Variants in CDC23 observed in about 807,000 individuals in gnomAD.
CDC23 encodes the protein cell division cycle protein 23 homolog.
A neutral mutation model predicts 81.7 loss-of-function variants in CDC23; 26 were observed. That is an observed-to-expected ratio of 0.32 (90% CI 0.23 to 0.44). The LOEUF (loss-of-function observed/expected upper bound fraction) is 0.44. Ranked by LOEUF, CDC23 falls within the 20% of genes least tolerant of loss-of-function variation. The pLI, the probability that CDC23 is intolerant of heterozygous loss-of-function variation, is 1.00. For missense variants in CDC23, 519 were observed against 728.0 expected (o/e 0.71, Z 3.30); for synonymous variants, 267 against 270.8 (o/e 0.99, Z 0.14).
intron 3 of CDC23, among the ~76,000 whole-genome samples, chr5:138,202,658 G>C (rs779883424): frequency 1.3e-5 from 2 of 152,106 alleles, no homozygotes; most frequent in Non-Finnish European, 1.5e-5. Flanking sequence ...AAATAATTAA[G>C]TAATGAATTA....
chr5:138,213,151 C>A lies in CDC23; in HGVS notation c.161+1G>T. The A allele has an allele frequency of 6.2e-7, 1 of 1,614,182 alleles. No individual in the cohort carries two copies. Among genetic ancestry groups the A allele is most frequent in the Non-Finnish European group, 8.5e-7 (1 of 1,180,042 alleles). ...CGTCCCTTCCCACTCCAACATCTCA[C>A]CATTTGCTACTGTGTAGTAGGCCCC... On this transcript the variant is annotated splice_donor_variant, in intron 1 of 15. Coordinates refer to ENST00000394886, the MANE Select transcript of CDC23 (RefSeq NM_004661.4). LOFTEE classifies it high-confidence loss of function.
chr5:138,206,097 AAAT>A (rs1188433008), intron 3 of CDC23: 2 of 169,296 alleles, frequency 1.2e-5, no homozygotes, highest in Non-Finnish European at 2.5e-5. Context: ...TTTCAAAGTA[AAAT>A]AATAAATTGT....
At position 138,188,928 on chromosome 5, in the gene CDC23, A is replaced by C; in HGVS notation, c.*50T>G. Reference sequence around the variant, plus strand: ...GACGTGCTGTTCTTTACATGGAGGTAAGGCTTAATTAAGATGGGTCTAACA... The same window carrying C: ...GACGTGCTGTTCTTTACATGGAGGTCAGGCTTAATTAAGATGGGTCTAACA... On this transcript the variant is annotated 3_prime_UTR_variant, in exon 16 of 16. Coordinates refer to ENST00000394886, the MANE Select transcript of CDC23 (RefSeq NM_004661.4). 6.4e-7 allele frequency: 1 copy of C among 1,562,300 alleles called. No individual in the cohort carries two copies. Among genetic ancestry groups the C allele is most frequent in the Non-Finnish European group, 8.7e-7 (1 of 1,144,496 alleles).
chr5:138,193,199 A>C (rs1175230459), intron 9 of CDC23, among the ~76,000 whole-genome samples: 1 of 152,228 alleles, frequency 6.6e-6, no homozygotes, highest in Non-Finnish European at 1.5e-5. Flanking sequence ...AAGTGCTGGA[A>C]TCAAAGGCAT....
intron 9 of CDC23, among the ~76,000 whole-genome samples, chr5:138,193,519 C>T (rs1754848763): frequency 6.6e-6 from 1 of 151,888 alleles, no homozygotes. Context: ...TCGCTTGAAC[C>T]TGGGAGGCAG....
chr5:138,195,636 TA>T (rs1198563241), intron 9 of CDC23, among the ~76,000 whole-genome samples: 1 of 117,290 alleles, frequency 8.5e-6, no homozygotes, highest in Non-Finnish European at 1.7e-5. Context: ...TAAATATATA[TA>T]CATATATAAT....
At chr5:138,189,959 G>A in intron 13 of CDC23, 53 bp from the exon 14 acceptor site, 1 of 1,521,144 alleles carries the variant, frequency 6.6e-7, no homozygotes. Context: ...GCAACTTAGT[G>A]ATAAAAAAAG....
At chr5:138,198,943 AC>A (rs1453597290) in intron 6 of CDC23, among the ~76,000 whole-genome samples, 161 bp from the exon 7 acceptor site, 2 of 152,244 alleles carry the variant, frequency 1.3e-5, no homozygotes, top group African/African-American at 4.8e-5. Context: ...AATATGACTT[AC>A]AAGCATAATA....
At position 138,190,131 on chromosome 5, in the gene CDC23, T is replaced by C; in HGVS notation, c.1425-225A>G. ...TGGAAGGAGAGTCAGTAAATATTAATATCTAAGCTAGATAAACCATCCTTG... is the reference window on the plus strand; with the variant it reads ...TGGAAGGAGAGTCAGTAAATATTAACATCTAAGCTAGATAAACCATCCTTG... On this transcript the variant is annotated intron_variant, in intron 13 of 15. Transcript: ENST00000394886. The C allele has an allele frequency of 2.0e-5, 11 of 547,302 alleles. No individual in the cohort carries two copies. In the South Asian group the frequency reaches 2.5e-4, roughly 12 times the overall value. The allele number at this position is 547,302 out of a possible 1,614,324, so 33.9% of individuals were successfully genotyped here. A position where few individuals can be genotyped will look rare whatever the true frequency, so the allele number is the denominator to read the frequency against.
chr5:138,189,911 A>G lies in CDC23; in HGVS notation c.1425-5T>C. ...TCAGTCAACTGTTCATGAAGCCTACAAAAGAAACTGATCTTTAAATACCAA... is the reference window on the plus strand; with the variant it reads ...TCAGTCAACTGTTCATGAAGCCTACGAAAGAAACTGATCTTTAAATACCAA... On this transcript the variant is annotated splice_polypyrimidine_tract_variant and splice_region_variant and intron_variant, in intron 13 of 15. Coordinates refer to ENST00000394886, the MANE Select transcript of CDC23 (RefSeq NM_004661.4). 1.9e-6 allele frequency: 3 copies of G among 1,613,530 alleles called. No homozygotes were observed. Among genetic ancestry groups the G allele is most frequent in the Non-Finnish European group, 2.5e-6 (3 of 1,179,648 alleles).
At chr5:138,196,213 T>G (rs1232373140) in intron 9 of CDC23, among the ~76,000 whole-genome samples, 1 of 151,872 alleles carries the variant, frequency 6.6e-6, no homozygotes, top group African/African-American at 2.4e-5. Context: ...AAAAACACAA[T>G]TCATTAAGGA....
rs1754797219 is a variant in CDC23, at chr5:138,189,284, TCTCA to T, written c.1624-140_1624-137del. ...CTTGTTTTTTTTTTTTGAGATGGAG[TCTCA>T]CTGTGTCACCCAGGCTACAGTGCAG... On this transcript the variant is annotated intron_variant, in intron 15 of 15. Transcript: ENST00000394886. 4.0e-6 allele frequency: 3 copies of T among 741,608 alleles called. No homozygotes were observed. The Admixed American group carries it at 8.3e-5, about 21-fold the overall frequency. 45.9% of individuals were successfully genotyped at this position (741,608 alleles called of 1,614,324 possible). A position where few individuals can be genotyped will look rare whatever the true frequency, so the allele number is the denominator to read the frequency against.
chr5:138,191,728 C>A (rs1754829107), intron 12 of CDC23, 134 bp downstream of exon 12: 2 of 937,324 alleles, frequency 2.1e-6, no homozygotes, highest in Non-Finnish European at 3.4e-6. Context: ...TGCTTTCAGA[C>A]TATGTATCTA....
At chr5:138,191,791 G>C in intron 12 of CDC23, 71 bp downstream of exon 12, 1 of 1,237,408 alleles carries the variant, frequency 8.1e-7, no homozygotes, top group Non-Finnish European at 1.2e-6. Flanking sequence ...AAAAATTAGA[G>C]CACAGATAGC....
chr5:138,200,157 A>G (rs1291762628), intron 6 of CDC23, among the ~76,000 whole-genome samples: 1 of 152,170 alleles, frequency 6.6e-6, no homozygotes, highest in Non-Finnish European at 1.5e-5. Flanking sequence ...TTTGAGACAG[A>G]GTTTCGCTCT....
intron 9 of CDC23, among the ~76,000 whole-genome samples, chr5:138,197,495 A>ATTT (rs1165999814): frequency 2.1e-5 from 3 of 142,514 alleles, no homozygotes; most frequent in African/African-American, 5.3e-5. Context: ...ATACATATTT[A>ATTT]TTTTTTTTTT....
intron 3 of CDC23, among the ~76,000 whole-genome samples, chr5:138,205,136 A>G (rs1010614984): frequency 1.3e-5 from 2 of 152,014 alleles, no homozygotes; most frequent in Admixed American, 1.3e-4. Context: ...GCTTCCTTTT[A>G]TATTTTATAT....
intron 13 of CDC23, 104 bp downstream of exon 13, chr5:138,191,370 C>CCTA: frequency 1.1e-6 from 1 of 952,198 alleles, no homozygotes; most frequent in South Asian, 1.3e-5. Context: ...CATCCCTACA[C>CCTA]CTATGTAGAA....
chr5:138,212,820 G>C (rs1460450683), intron 2 of CDC23, among the ~76,000 whole-genome samples, 171 bp downstream of exon 2: 1 of 152,124 alleles, frequency 6.6e-6, no homozygotes, highest in Admixed American at 6.5e-5. Context: ...CAAAGCTCAA[G>C]AAAACTAAAT....
Sources: allele counts gnomAD v4.1 joint callset (sites outside exome capture counted in the v4.1 genomes callset), GRCh38; gene constraint gnomAD v4.1.1; transcripts MANE v1.5; gene names NCBI Gene and HGNC (gene_info 2026-07-23, HGNC 2026-07-21).